GK2: variants seen among roughly 807,000 people sequenced by gnomAD.
The protein encoded by GK2 is ATP:glycerol 3-phosphotransferase 2.
In GK2, 10 loss-of-function variants were observed where a neutral mutation model predicts 9.5. That is an observed-to-expected ratio of 1.05 (90% CI 0.65 to 1.78). The LOEUF is 1.78. Among genes scored for constraint, GK2 ranks in the 40% most tolerant of loss-of-function variants. GK2 has a pLI of 0.00. For missense variants in GK2, 643 were observed against 669.0 expected, an observed-to-expected ratio of 0.96 and a Z score of 0.43; for synonymous variants, 228 against 229.9, an observed-to-expected ratio of 0.99 and a Z score of 0.07.
chr4:79,406,968 C>T lies in GK2; in HGVS notation c.1233G>A (p.Met411Ile). Residue 411 changes from methionine to isoleucine, a missense_variant, in exon 1 of 1, where the codon ATG becomes ATA. By Grantham distance (10) the Met-to-Ile change is conservative (BLOSUM62 1). Transcript: ENST00000358842. The part of the protein sequence containing the change: ...CFQTREILEA[M>I]NRDCGIPLRH... ...GAAGTGGAATTCCACAGTCACGGTT[C>T]ATGGCTTCCAAAATCTCTCGGGTTT... is the stretch of plus-strand genomic sequence containing the variant. 1 of 1,614,214 alleles carries T rather than the reference C, an allele frequency of 6.2e-7. No homozygotes were observed. The highest frequency in any genetic ancestry group is 8.5e-7 in the Non-Finnish European group (1 of 1,180,038).
rs752589847 is a variant in GK2 at position 79,407,866 on chromosome 4, A to G, written c.335T>C (p.Val112Ala). 6.8e-6 allele frequency: 11 copies of G among 1,614,168 alleles called. No individual in the cohort carries two copies. The highest frequency in any genetic ancestry group is 4.2e-6 in the Non-Finnish European group (5 of 1,180,010). ...CTGGGTTCTTAGATCAAGCCACACC[A>G]CAGCATTGTAGAGAGGCTCTCCTGT... Reference protein sequence around the residue: ...KLTGEPLYNAVVWLDLRTQTT... With the variant: ...KLTGEPLYNAAVWLDLRTQTT... The change falls in exon 1 of 1, where the codon GTG becomes GCG. Residue 112 changes from valine (V) to alanine (A), a missense_variant. Val to Ala is a moderately conservative substitution (Grantham distance 64, BLOSUM62 0). Transcript: ENST00000358842.
Position 79,406,928 on chromosome 4 carries a change from C to G in GK2, c.1273G>C (p.Asp425His), listed in dbSNP as rs749926527. 6.2e-7 allele frequency: 1 copy of G among 1,614,244 alleles called. No homozygotes were observed. Among genetic ancestry groups the G allele is most frequent in the East Asian group, 2.2e-5 (1 of 44,886 alleles). Reference sequence around the variant, plus strand: ...ACTTTGTTGTTGGTCATTCCTCCATCTACCTGCAAATGACGAAGTGGAATT... The same window carrying G: ...ACTTTGTTGTTGGTCATTCCTCCATGTACCTGCAAATGACGAAGTGGAATT... ...CGIPLRHLQVDGGMTNNKVLM... is the reference protein window; with the variant it reads ...CGIPLRHLQVHGGMTNNKVLM... The change falls in exon 1 of 1, where the codon GAT (aspartate) becomes CAT (histidine). Residue 425 changes from aspartate to histidine, a missense_variant. Physicochemically the swap from Asp to His is moderately conservative, Grantham distance 81. Coordinates refer to ENST00000358842, the MANE Select transcript of GK2 (RefSeq NM_033214.3).
Position 79,406,568 on chromosome 4 carries a change from C to T in GK2, c.1633G>A (p.Gly545Arg). ...FIVSSMVMLI[G>R]ARYISGVP ...GGCACACCCGAGATATATCTTGCTC[C>T]AATTAGCATTACCATGCTACTCACT... is the stretch of plus-strand genomic sequence containing the variant. Residue 545 changes from glycine to arginine, a missense_variant, in exon 1 of 1, where the codon GGA (glycine) becomes AGA (arginine). Physicochemically the swap from Gly to Arg is moderately radical, Grantham distance 125 (BLOSUM62 -2). Transcript: ENST00000358842. 1.2e-5 allele frequency: 20 copies of T among 1,609,814 alleles called. No individual in the cohort carries two copies. Among genetic ancestry groups the T allele is most frequent in the Non-Finnish European group, 1.5e-5 (18 of 1,176,194 alleles).
chr4:79,407,430 C>T lies in GK2; in HGVS notation c.771G>A (p.Leu257=), dbSNP rs144129402. The T allele has an allele frequency of 5.5e-4, 888 of 1,614,016 alleles. No homozygotes were observed. The highest frequency in any genetic ancestry group is 7.2e-4 in the Non-Finnish European group (850 of 1,180,034). Residue 257 remains leucine (L), a synonymous_variant, in exon 1 of 1, where the codon TTG becomes TTA. Coordinates refer to ENST00000358842, the MANE Select transcript of GK2 (RefSeq NM_033214.3). ...CTACTAATGCAGCACATTGGTCCCC[C>T]AAACACCCAGATATTGGCACACCTT... ...ALEGVPISGC[L]GDQCAALVGQ...
chr4:79,406,529 G>A lies in GK2; in HGVS notation c.*10C>T. ...AATGTTTACATCTTGGGACTCCATA[G>A]CTGGTATTATTATGGCACACCCGAG... On this transcript the variant is annotated 3_prime_UTR_variant, in exon 1 of 1. Transcript: ENST00000358842. 6.6e-7 allele frequency: 1 copy of A among 1,507,532 alleles called. No individual in the cohort carries two copies. Among genetic ancestry groups the A allele is most frequent in the Non-Finnish European group, 9.2e-7 (1 of 1,085,348 alleles). 93.4% of individuals were successfully genotyped at this position (1,507,532 alleles called of 1,614,324 possible). A position where few individuals can be genotyped will look rare whatever the true frequency, so the allele number is the denominator to read the frequency against.
chr4:79,408,091 C>T lies in GK2; in HGVS notation c.110G>A (p.Ser37Asn). The T allele has an allele frequency of 1.2e-6, 2 of 1,614,220 alleles. No homozygotes were observed. The highest frequency in any genetic ancestry group is 1.7e-6 in the Non-Finnish European group (2 of 1,180,020). Reference protein sequence around the residue: ...VFNSKTAELLSHHKVELTQEF... With the variant: ...VFNSKTAELLNHHKVELTQEF... ...TTGTGTTAATTCCACTTTGTGATGA[C>T]TAAGTAGTTCCGCTGTTTTTGAATT... is the stretch of plus-strand genomic sequence containing the variant. The change falls in exon 1 of 1, where the codon AGT becomes AAT. Residue 37 changes from serine to asparagine, a missense_variant. Coordinates refer to ENST00000358842, the MANE Select transcript of GK2 (RefSeq NM_033214.3).
chr4:79,408,066 T>C lies in GK2; in HGVS notation c.135A>G (p.Gln45=). The stretch of plus-strand genomic sequence containing the variant: ...CCACCCATCCTTCTTTTGGGAACTC[T>C]TGTGTTAATTCCACTTTGTGATGAC... ...LLSHHKVELT[Q]EFPKEGWVEQ... Residue 45 remains glutamine (Q), a synonymous_variant, in exon 1 of 1, where the codon CAA becomes CAG. Transcript: ENST00000358842. 1.9e-6 allele frequency: 3 copies of C among 1,614,232 alleles called. No individual in the cohort carries two copies. Among genetic ancestry groups the C allele is most frequent in the Non-Finnish European group, 2.5e-6 (3 of 1,180,016 alleles).
In GK2 at chr4:79,407,754, G is replaced by C. The variant is rs377465140; in HGVS notation, c.447C>G (p.Phe149Leu). ...GCATCCAACGAAGTTTTACTGCACT[G>C]AAGTAAGTGCTGAGTGGAAGGCCTG... ...SKTGLPLSTY[F>L]SAVKLRWMLD... is the part of the protein sequence containing the mutation. Residue 149 changes from phenylalanine (F) to leucine (L), a missense_variant, in exon 1 of 1, where the codon TTC becomes TTG. Phe to Leu is a conservative substitution (Grantham distance 22). Transcript: ENST00000358842. The C allele has an allele frequency of 1.5e-5, 25 of 1,613,932 alleles. No homozygotes were observed. The highest frequency in any genetic ancestry group is 2.1e-5 in the Non-Finnish European group (25 of 1,179,948).
In GK2 at chr4:79,407,774, G is replaced by A; in HGVS notation, c.427C>T (p.Leu143Phe). 6.2e-7 allele frequency: 1 copy of A among 1,614,142 alleles called. No homozygotes were observed. Among genetic ancestry groups the A allele is most frequent in the Non-Finnish European group, 8.5e-7 (1 of 1,180,016 alleles). The change falls in exon 1 of 1, where the codon CTT (leucine) becomes TTT (phenylalanine). Residue 143 changes from leucine to phenylalanine, a missense_variant. Transcript: ENST00000358842. ...NSNFVKSKTG[L>F]PLSTYFSAVK... Reference sequence around the variant, plus strand: ...GCACTGAAGTAAGTGCTGAGTGGAAGGCCTGTCTTAGACTTGACGAAGTTA... The same window carrying A: ...GCACTGAAGTAAGTGCTGAGTGGAAAGCCTGTCTTAGACTTGACGAAGTTA...
At position 79,407,419 on chromosome 4, in the gene GK2, C is replaced by T. The variant is rs1239796435; in HGVS notation, c.782G>A (p.Cys261Tyr). The T allele has an allele frequency of 6.2e-7, 1 of 1,614,156 alleles. No homozygotes were observed. The highest frequency in any genetic ancestry group is 2.2e-5 in the East Asian group (1 of 44,870). ...GCACATTTGTCCTACTAATGCAGCA[C>T]ATTGGTCCCCCAAACACCCAGATAT... ...VPISGCLGDQ[C>Y]AALVGQMCFQ... The change falls in exon 1 of 1, where the codon TGT becomes TAT. Residue 261 changes from cysteine to tyrosine, a missense_variant. Coordinates refer to ENST00000358842, the MANE Select transcript of GK2 (RefSeq NM_033214.3).
chr4:79,407,841 C>T lies in GK2; in HGVS notation c.360G>A (p.Gln120=), dbSNP rs1725890503. ...TTTTACTAAGATCCTCAACAGTAGT[C>T]TGGGTTCTTAGATCAAGCCACACCA... is the stretch of plus-strand genomic sequence containing the variant. ...NAVVWLDLRT[Q]TTVEDLSKKI... The change falls in exon 1 of 1, where the codon CAG becomes CAA. Residue 120 remains glutamine (Q), a synonymous_variant. Transcript: ENST00000358842. 6.2e-7 allele frequency: 1 copy of T among 1,614,094 alleles called. No individual in the cohort carries two copies. Among genetic ancestry groups the T allele is most frequent in the Non-Finnish European group, 8.5e-7 (1 of 1,179,966 alleles).
In GK2 at chr4:79,406,833, T is replaced by G. The variant is rs140906914; in HGVS notation, c.1368A>C (p.Ala456=). 6.2e-7 allele frequency: 1 copy of G among 1,614,226 alleles called. No individual in the cohort carries two copies. Among genetic ancestry groups the G allele is most frequent in the African/African-American group, 1.3e-5 (1 of 75,062 alleles). The change falls in exon 1 of 1, where the codon GCA becomes GCC. Residue 456 remains alanine, a synonymous_variant. Transcript: ENST00000358842. ...VIKPFMPETT[A]LGAAMAAGAA... ...CCCCTGCTGCCATGGCAGCTCCTAG[T>G]GCAGTTGTTTCAGGCATAAAGGGTT... is the stretch of plus-strand genomic sequence containing the variant.
At position 79,408,153 on chromosome 4, in the gene GK2, C is replaced by T. The variant is rs745991707; in HGVS notation, c.48G>A (p.Val16=). ...AGCGAGTGGAGTTGGTGCCCTGGAC[C>T]ACCGCTCCCACCAACGGCCCCACAG... ...TAAVGPLVGA[V]VQGTNSTRFL... Residue 16 remains valine (V), a synonymous_variant, in exon 1 of 1, where the codon GTG becomes GTA. Coordinates refer to ENST00000358842, the MANE Select transcript of GK2 (RefSeq NM_033214.3). The T allele has an allele frequency of 9.3e-5, 150 of 1,610,486 alleles. No homozygotes were observed. The highest frequency in any genetic ancestry group is 1.3e-4 in the Non-Finnish European group (148 of 1,178,124).
In GK2 at chr4:79,407,555, C is replaced by T. The variant is rs1056683541; in HGVS notation, c.646G>A (p.Asp216Asn). The change falls in exon 1 of 1, where the codon GAT (aspartate) becomes AAT (asparagine). Residue 216 changes from aspartate to asparagine, a missense_variant. Transcript: ENST00000358842. ...TCAAAAAAGTCACAGAGCTCTTTAT[C>T]CCATTCCAAAGAATGGATATTAAAA... ...MLFNIHSLEW[D>N]KELCDFFEIP... 13 of 1,614,142 alleles carry T rather than the reference C, an allele frequency of 8.1e-6. No individual in the cohort carries two copies. The highest frequency in any genetic ancestry group is 2.7e-5 in the African/African-American group (2 of 75,042).
chr4:79,407,073 T>TG lies in GK2; in HGVS notation c.1127dup (p.Arg377LysfsTer13). ...GAGTGAGGCCACAGAGTATCCCTCT[T>TG]GCACTGGGCTCCCAATAAGGTGCAT... On this transcript the variant is annotated frameshift_variant, in exon 1 of 1. Coordinates refer to ENST00000358842, the MANE Select transcript of GK2 (RefSeq NM_033214.3). LOFTEE classifies it low-confidence loss of function (END_TRUNC). 1.2e-6 allele frequency: 2 copies of TG among 1,614,180 alleles called. No individual in the cohort carries two copies. Among genetic ancestry groups the TG allele is most frequent in the Non-Finnish European group, 1.7e-6 (2 of 1,180,026 alleles).
rs202121879 is a variant in GK2 at position 79,407,931 on chromosome 4, G to A, written c.270C>T (p.Val90=). 6.2e-7 allele frequency: 1 copy of A among 1,614,092 alleles called. No individual in the cohort carries two copies. The highest frequency in any genetic ancestry group is 1.3e-5 in the African/African-American group (1 of 75,010). The change falls in exon 1 of 1, where the codon GTC becomes GTT. Residue 90 remains valine (V), a synonymous_variant. Coordinates refer to ENST00000358842, the MANE Select transcript of GK2 (RefSeq NM_033214.3). ...IDISNIKAVG[V]SNQRETTVIW... is the part of the protein sequence containing the mutation. ...TTACAGTGGTTTCCCTCTGATTGCT[G>A]ACACCAACAGCTTTTATGTTGGATA...
In GK2 at chr4:79,407,623, C is replaced by T. The variant is rs759859918; in HGVS notation, c.578G>A (p.Gly193Asp). 1.2e-6 allele frequency: 2 copies of T among 1,614,068 alleles called. No homozygotes were observed. The highest frequency in any genetic ancestry group is 1.7e-6 in the Non-Finnish European group (2 of 1,179,922). ...IWSLTGGVNG[G>D]VHCTDVTNAS... ...ATTTGTTACATCTGTACAATGCACG[C>T]CTCCATTAACTCCTCCTGTCAAACT... The change falls in exon 1 of 1, where the codon GGC becomes GAC. Residue 193 changes from glycine (G) to aspartate (D), a missense_variant. Gly to Asp is a moderately conservative substitution (Grantham distance 94, BLOSUM62 -1). Coordinates refer to ENST00000358842, the MANE Select transcript of GK2 (RefSeq NM_033214.3).
chr4:79,408,209 TAGGTCGGCTCAGC>T lies in GK2; in HGVS notation c.-22_-10del. The T allele has an allele frequency of 1.3e-6, 2 of 1,570,688 alleles. No homozygotes were observed. The highest frequency in any genetic ancestry group is 1.8e-5 in the Admixed American group (1 of 55,900). Reference sequence around the variant, plus strand: ...GTCTTTGGGGCTGCCATGACACCAGTAGGTCGGCTCAGCAGCTCTGGGACCGTTTCCCAGGCCA... The same window carrying T: ...GTCTTTGGGGCTGCCATGACACCAGTAGCTCTGGGACCGTTTCCCAGGCCA... On this transcript the variant is annotated 5_prime_UTR_variant, in exon 1 of 1. Coordinates refer to ENST00000358842, the MANE Select transcript of GK2 (RefSeq NM_033214.3).
chr4:79,407,137 G>A lies in GK2; in HGVS notation c.1064C>T (p.Ser355Phe). The A allele has an allele frequency of 6.2e-7, 1 of 1,614,140 alleles. No homozygotes were observed. Among genetic ancestry groups the A allele is most frequent in the South Asian group, 1.1e-5 (1 of 91,078 alleles). The change falls in exon 1 of 1, where the codon TCT becomes TTT. Residue 355 changes from serine to phenylalanine, a missense_variant. Coordinates refer to ENST00000358842, the MANE Select transcript of GK2 (RefSeq NM_033214.3). The stretch of plus-strand genomic sequence containing the variant: ...GGCTGGGACAAAGTAACAGCCATAA[G>A]AAGTTCCTACTTCTTTAGCAAGTCT... ...IERLAKEVGT[S>F]YGCYFVPAFS... is the part of the protein sequence containing the mutation.
Sources: allele counts gnomAD v4.1 joint callset, GRCh38; gene constraint gnomAD v4.1.1; transcripts MANE v1.5; gene names NCBI Gene and HGNC (gene_info 2026-07-23, HGNC 2026-07-21).